Variants in GPC4 observed in about 807,000 individuals in gnomAD.
GPC4 encodes the protein glypican 4.
In GPC4, 10 loss-of-function variants were observed where a neutral mutation model predicts 35.0. The ratio of observed to expected loss-of-function variants is 0.29; its 90% CI spans 0.18 to 0.48. GPC4 has a LOEUF of 0.48. Among genes scored for constraint, GPC4 ranks in the 20% least tolerant of loss-of-function variants. The pLI, the probability that GPC4 is intolerant of heterozygous loss-of-function variation, is 0.99. For missense variants in GPC4, 322 were observed against 451.3 expected (o/e 0.71, Z 2.60); for synonymous variants, 167 against 170.2 (o/e 0.98, Z 0.15).
chrX:133,319,468 A>AAAAG (rs1569342805), intron 3 of GPC4, among the ~76,000 whole-genome samples: 1 of 106,091 alleles, frequency 9.4e-6, no homozygotes, highest in Non-Finnish European at 1.9e-5. Context: ...AAAAAAAAAA[A>AAAAG]AAAGAAAGAA....
rs1211177098 is a variant in GPC4, at chrX:133,397,070, C to T, written c.160+17736G>A. 2.7e-5 allele frequency among the ~76,000 whole-genome samples: 3 copies of T among 112,177 alleles called. No homozygotes were observed. In the Admixed American group the frequency reaches 2.9e-4, roughly 11 times the overall value. On this transcript the variant is annotated intron_variant, in intron 1 of 8. Transcript: ENST00000370828. ...AGAAGCAACCAAGAAAATCTCAGCA[C>T]TCCAAGAGAAACACTAAAAGATTAC...
intron 3 of GPC4, among the ~76,000 whole-genome samples, chrX:133,323,533 C>T (rs886240876): frequency 1.8e-5 from 2 of 112,207 alleles, no homozygotes; most frequent in Non-Finnish European, 3.8e-5. Flanking sequence ...GCTGAATTTC[C>T]CAATGAGGAA....
At chrX:133,316,533 G>C (rs1397851954) in intron 3 of GPC4, among the ~76,000 whole-genome samples, 1 of 111,835 alleles carries the variant, frequency 8.9e-6, no homozygotes, top group Admixed American at 9.5e-5. Context: ...TATGGAGCTG[G>C]ATGTTTTCTA....
chrX:133,319,572 TTC>T (rs2068355315), intron 3 of GPC4, among the ~76,000 whole-genome samples: 1 of 109,773 alleles, frequency 9.1e-6, no homozygotes. Context: ...AGGTCTTTTT[TTC>T]AGGCCCGAAG....
chrX:133,414,566 C>G lies in GPC4; in HGVS notation c.160+240G>C, dbSNP rs751004842. 5 of 752,019 alleles carry G rather than the reference C, an allele frequency of 6.6e-6. No individual in the cohort carries two copies. The South Asian group carries it at 2.7e-4, about 41-fold the overall frequency. 62.0% of individuals were successfully genotyped at this position (752,019 alleles called of 1,213,427 possible). A position where few individuals can be genotyped will look rare whatever the true frequency, so the allele number is the denominator to read the frequency against. On this transcript the variant is annotated intron_variant, in intron 1 of 8. Coordinates refer to ENST00000370828, the MANE Select transcript of GPC4 (RefSeq NM_001448.3). Reference sequence around the variant, plus strand: ...GGAGCGCGACAGTCGCACTGGGCAACCCGGCGGCGCCCCTCCGCTCGCAGT... The same window carrying G: ...GGAGCGCGACAGTCGCACTGGGCAAGCCGGCGGCGCCCCTCCGCTCGCAGT...
chrX:133,344,190 G>GTTTTTT (rs2068479779), intron 1 of GPC4, among the ~76,000 whole-genome samples: 1 of 39,353 alleles, frequency 2.5e-5, no homozygotes, highest in African/African-American at 6.5e-5. Context: ...CTTTCTTTCT[G>GTTTTTT]GTTTTTTTTT....
At chrX:133,330,639 T>C (rs186074114) in intron 2 of GPC4, among the ~76,000 whole-genome samples, 8 of 111,519 alleles carry the variant, frequency 7.2e-5, no homozygotes, top group African/African-American at 2.6e-4. Flanking sequence ...GTTTATCAAT[T>C]GATAGCAAAT....
At chrX:133,363,633 T>C (rs1231226839) in intron 1 of GPC4, among the ~76,000 whole-genome samples, 1 of 111,420 alleles carries the variant, frequency 9.0e-6, no homozygotes, top group Non-Finnish European at 1.9e-5. Flanking sequence ...GGCATGTTGC[T>C]TGCTCCCCTC....
chrX:133,318,800 G>A (rs1250933862), intron 3 of GPC4, among the ~76,000 whole-genome samples: 1 of 112,390 alleles, frequency 8.9e-6, no homozygotes, highest in Non-Finnish European at 1.9e-5. Context: ...ATACAAAGAT[G>A]TGTAGTACGA....
chrX:133,409,670 G>C (rs2068804849), intron 1 of GPC4, among the ~76,000 whole-genome samples: 2 of 111,697 alleles, frequency 1.8e-5, no homozygotes, highest in Non-Finnish European at 3.8e-5. Context: ...GTTCCAACAG[G>C]GAATTAGGAA....
intron 1 of GPC4, among the ~76,000 whole-genome samples, chrX:133,389,645 T>C (rs913777715): frequency 9.0e-6 from 1 of 111,135 alleles, no homozygotes; most frequent in African/African-American, 3.3e-5. Context: ...TTTCACTATA[T>C]GTAGAGTACA....
intron 1 of GPC4, among the ~76,000 whole-genome samples, chrX:133,389,874 C>T (rs987165552): frequency 9.0e-6 from 1 of 111,633 alleles, no homozygotes; most frequent in Admixed American, 9.6e-5. Context: ...CAGGAGCATC[C>T]TAAAGCAAAT....
chrX:133,338,884 A>T (rs937073905), intron 2 of GPC4, among the ~76,000 whole-genome samples: 2 of 109,464 alleles, frequency 1.8e-5, no homozygotes, highest in African/African-American at 6.6e-5. Flanking sequence ...TTTTTTTTTT[A>T]AAGGGACTTG....
chrX:133,369,542 A>G (rs2068603825), intron 1 of GPC4, among the ~76,000 whole-genome samples: 1 of 112,448 alleles, frequency 8.9e-6, no homozygotes, highest in Non-Finnish European at 1.9e-5. Flanking sequence ...AATGTGAATT[A>G]TAATGCAGCC....
chrX:133,369,462 T>C (rs1235819989), intron 1 of GPC4, among the ~76,000 whole-genome samples: 1 of 112,093 alleles, frequency 8.9e-6, no homozygotes, highest in South Asian at 3.7e-4. Context: ...AGTAGTACGA[T>C]GCATTTGATA....
At chrX:133,336,806 GTTATA>G (rs750208507) in intron 2 of GPC4, among the ~76,000 whole-genome samples, 1 of 109,396 alleles carries the variant, frequency 9.1e-6, no homozygotes, top group Non-Finnish European at 1.9e-5. Context: ...CATATTTTAT[GTTATA>G]TTATATTATT....
intron 3 of GPC4, among the ~76,000 whole-genome samples, chrX:133,323,034 C>T (rs926139855): frequency 5.4e-5 from 6 of 111,546 alleles, no homozygotes; most frequent in Admixed American, 3.8e-4. Context: ...TGAAATCTTG[C>T]TCAGATCCCT....
intron 3 of GPC4, 96 bp from the exon 4 acceptor site, chrX:133,311,519 C>T (rs2068314333): frequency 1.2e-6 from 1 of 807,557 alleles, no homozygotes. Flanking sequence ...TGGCCATGAA[C>T]TTAAGAATGA....
intron 1 of GPC4, among the ~76,000 whole-genome samples, chrX:133,366,285 T>TA (rs2068589650): frequency 1.8e-5 from 2 of 112,289 alleles, no homozygotes; most frequent in South Asian, 7.4e-4. Context: ...CTATGGATCT[T>TA]AGAGATATTT....
Sources: allele counts gnomAD v4.1 joint callset (sites outside exome capture counted in the v4.1 genomes callset), GRCh38; gene constraint gnomAD v4.1.1; transcripts MANE v1.5; gene names NCBI Gene and HGNC (gene_info 2026-07-23, HGNC 2026-07-21).